Variants in SLC14A2 observed in about 807,000 individuals in gnomAD.
The protein encoded by SLC14A2 is urea transporter 2.
In SLC14A2, 91 loss-of-function variants were observed where a neutral mutation model predicts 104.6. The observed-to-expected ratio is 0.87, with a 90% CI of 0.73 to 1.04. SLC14A2 has a LOEUF of 1.04. Ranked by LOEUF, SLC14A2 falls within the 50% of genes least tolerant of loss-of-function variation. The pLI is 0.00. For synonymous variants in SLC14A2, 476 were observed against 466.4 expected (o/e 1.02, Z -0.27); for missense variants, 1,189 against 1,156.0 (o/e 1.03, Z -0.41).
chr18:45,596,397 G>A (rs2044719114), intron 2 of SLC14A2, among the ~76,000 whole-genome samples: 1 of 152,188 alleles, frequency 6.6e-6, no homozygotes, highest in African/African-American at 2.4e-5. Flanking sequence ...TCTTATTGGG[G>A]AACAGGGAGA....
chr18:45,270,418 G>A (rs886887123), intron 1 of SLC14A2, among the ~76,000 whole-genome samples: 1 of 152,096 alleles, frequency 6.6e-6, no homozygotes, highest in Non-Finnish European at 1.5e-5. Flanking sequence ...ATGTTGTTGA[G>A]GTCTGCCCCA....
intron 1 of SLC14A2, among the ~76,000 whole-genome samples, chr18:45,310,058 A>G (rs1321396994): frequency 6.6e-6 from 1 of 151,862 alleles, no homozygotes; most frequent in African/African-American, 2.4e-5. Context: ...ATGCTTTTCT[A>G]TGGCCTATGT....
the SLC14A2 span, among the ~76,000 whole-genome samples, chr18:45,192,743 G>A: frequency 7.2e-5 from 11 of 151,798 alleles, no homozygotes; most frequent in African/African-American, 2.2e-4. Context: ...TGCAACCTCC[G>A]CCTCCCAGGT....
chr18:45,321,701 G>A (rs1397329140), intron 1 of SLC14A2, among the ~76,000 whole-genome samples: 1 of 152,206 alleles, frequency 6.6e-6, no homozygotes, highest in Non-Finnish European at 1.5e-5. Flanking sequence ...TGTCTGCAGA[G>A]CAGTAATCAC....
chr18:45,304,383 G>A (rs566353961), intron 1 of SLC14A2, among the ~76,000 whole-genome samples: 2 of 152,306 alleles, frequency 1.3e-5, no homozygotes, highest in African/African-American at 2.4e-5. Flanking sequence ...CATGGACAAG[G>A]ATTCTGCTTT....
chr18:45,335,730 T>C (rs2085331796), intron 1 of SLC14A2, among the ~76,000 whole-genome samples: 1 of 152,206 alleles, frequency 6.6e-6, no homozygotes, highest in African/African-American at 2.4e-5. Context: ...AAAACTTCCC[T>C]TGCCAGAATG....
At chr18:45,498,422 G>A (rs180912031) in intron 2 of SLC14A2, among the ~76,000 whole-genome samples, 13 of 152,320 alleles carry the variant, frequency 8.5e-5, no homozygotes, top group East Asian at 7.7e-4. Flanking sequence ...GCTGCCAGAC[G>A]CCCAGAGCCA....
chr18:45,586,656 C>T (rs1484943066), intron 2 of SLC14A2, among the ~76,000 whole-genome samples: 3 of 152,192 alleles, frequency 2.0e-5, no homozygotes, highest in Admixed American at 6.5e-5. Flanking sequence ...CCCCAGCGTA[C>T]TGCAAGCTTG....
At chr18:45,449,161 A>G (rs1360927315) in intron 1 of SLC14A2, among the ~76,000 whole-genome samples, 3 of 152,226 alleles carry the variant, frequency 2.0e-5, no homozygotes, top group Non-Finnish European at 2.9e-5. Context: ...GCCCTGCAGT[A>G]TATTGCCTGA....
chr18:45,224,256 C>T (rs760819737), intron 1 of SLC14A2, among the ~76,000 whole-genome samples: 29 of 152,180 alleles, frequency 1.9e-4, no homozygotes, highest in Non-Finnish European at 3.7e-4. Flanking sequence ...CAGAGAGATG[C>T]GAAATGGTCT....
intron 1 of SLC14A2, among the ~76,000 whole-genome samples, chr18:45,370,445 C>T (rs996090332): frequency 2.6e-5 from 4 of 152,040 alleles, no homozygotes; most frequent in Non-Finnish European, 5.9e-5. Flanking sequence ...AGAAAAGAGC[C>T]GGAAAAGGTC....
chr18:45,517,407 T>C (rs2043456993), intron 2 of SLC14A2, among the ~76,000 whole-genome samples: 1 of 152,198 alleles, frequency 6.6e-6, no homozygotes, highest in South Asian at 2.1e-4. Flanking sequence ...ATTACGCCTC[T>C]AGGTCTCCAA....
At chr18:45,324,877 G>A (rs967405203) in intron 1 of SLC14A2, among the ~76,000 whole-genome samples, 1 of 152,094 alleles carries the variant, frequency 6.6e-6, no homozygotes, top group African/African-American at 2.4e-5. Flanking sequence ...GCCGTAACTC[G>A]AGATCTATTT....
intron 1 of SLC14A2, among the ~76,000 whole-genome samples, chr18:45,356,829 C>T (rs2085558918): frequency 6.6e-6 from 1 of 152,180 alleles, no homozygotes; most frequent in South Asian, 2.1e-4. Context: ...GCATGATCAA[C>T]CAGCCAGGTT....
intron 2 of SLC14A2, among the ~76,000 whole-genome samples, chr18:45,516,151 T>C (rs928341509): frequency 3.9e-5 from 6 of 152,176 alleles, no homozygotes; most frequent in African/African-American, 1.4e-4. Context: ...AAGAAGAAAA[T>C]ATAAACTCTC....
At chr18:45,277,461 C>T (rs1481768120) in intron 1 of SLC14A2, among the ~76,000 whole-genome samples, 7 of 152,022 alleles carry the variant, frequency 4.6e-5, no homozygotes, top group African/African-American at 7.2e-5. Context: ...AAGGCTGAAG[C>T]GCAGTGGTGC....
At chr18:45,471,845 G>T (rs1008531575) in intron 1 of SLC14A2, among the ~76,000 whole-genome samples, 2 of 151,468 alleles carry the variant, frequency 1.3e-5, no homozygotes, top group Non-Finnish European at 2.9e-5. Flanking sequence ...TTTCATTGAG[G>T]CTTGTTGTTT....
chr18:45,344,821 G>A (rs999421653), intron 1 of SLC14A2, among the ~76,000 whole-genome samples: 8 of 152,170 alleles, frequency 5.3e-5, no homozygotes, highest in Non-Finnish European at 8.8e-5. Context: ...GACCCGTCAC[G>A]TAAACCAGTC....
At chr18:45,587,414 T>G (rs547090034) in intron 2 of SLC14A2, among the ~76,000 whole-genome samples, 18 of 152,332 alleles carry the variant, frequency 1.2e-4, no homozygotes, top group African/African-American at 3.8e-4. Context: ...GGATACTTTT[T>G]GGGGCATATG....
Sources: allele counts gnomAD v4.1 joint callset (sites outside exome capture counted in the v4.1 genomes callset), GRCh38; gene constraint gnomAD v4.1.1; transcripts MANE v1.5; gene names NCBI Gene and HGNC (gene_info 2026-07-23, HGNC 2026-07-21).